Variants in ZCCHC2 observed in about 807,000 individuals in gnomAD.
ZCCHC2 encodes zinc finger CCHC domain-containing protein 2.
A neutral mutation model predicts 103.6 loss-of-function variants in ZCCHC2; 39 were observed. The ratio of observed to expected loss-of-function variants is 0.38; its 90% CI spans 0.29 to 0.49. The LOEUF is 0.49. Among genes scored for constraint, ZCCHC2 ranks in the 20% least tolerant of loss-of-function variants. The pLI, the probability that ZCCHC2 is intolerant of heterozygous loss-of-function variation, is 0.96. For synonymous variants in ZCCHC2, 687 were observed against 608.9 expected, an observed-to-expected ratio of 1.13 and a Z score of -1.89; for missense variants, 1,483 against 1,491.0, an observed-to-expected ratio of 0.99 and a Z score of 0.09.
intron 7 of ZCCHC2, 118 bp downstream of exon 7, chr18:62,558,888 A>G (rs867371022): frequency 5.5e-5 from 33 of 596,814 alleles, no homozygotes; most frequent in African/African-American, 4.4e-4. Flanking sequence ...TTGCATTACA[A>G]ATAAGTGGAG....
In ZCCHC2 at chr18:62,574,900, C is replaced by T. The variant is rs1916759714; in HGVS notation, c.2819C>T (p.Ala940Val). The T allele has an allele frequency of 6.2e-7, 1 of 1,613,882 alleles. No individual in the cohort carries two copies. Among genetic ancestry groups the T allele is most frequent in the Non-Finnish European group, 8.5e-7 (1 of 1,179,898 alleles). The stretch of plus-strand genomic sequence containing the variant: ...AACTCCAGTGTGCTCAGCACAGCAG[C>T]AACTTCTCCCCAGCCAGCGAGCGCA... ...SQNSSVLSTA[A>V]TSPQPASAGI... The change falls in exon 13 of 14, where the codon GCA becomes GTA. Residue 940 changes from alanine to valine, a missense_variant. Ala to Val is a moderately conservative substitution (Grantham distance 64, BLOSUM62 0). This residue lies in a region of ZCCHC2 where 884 missense variants were observed against 907.5 expected (regional missense o/e 0.97). Coordinates refer to ENST00000269499, the MANE Select transcript of ZCCHC2 (RefSeq NM_017742.6).
chr18:62,563,284 T>TA, intron 9 of ZCCHC2, 140 bp downstream of exon 9: 1 of 1,013,214 alleles, frequency 9.9e-7, no homozygotes, highest in Non-Finnish European at 1.4e-6. Flanking sequence ...ACTTTATACT[T>TA]ATATATGATC....
At chr18:62,549,965 G>C (rs770909186) in intron 4 of ZCCHC2, among the ~76,000 whole-genome samples, 8 of 152,238 alleles carry the variant, frequency 5.3e-5, no homozygotes, top group Non-Finnish European at 8.8e-5. Flanking sequence ...CTATTCCAGG[G>C]TAAAAATAGT....
intron 8 of ZCCHC2, among the ~76,000 whole-genome samples, chr18:62,560,884 C>T (rs570847830): frequency 6.6e-6 from 1 of 151,146 alleles, no homozygotes; most frequent in Admixed American, 6.6e-5. Flanking sequence ...GATAGTTTTA[C>T]AATGAAAGTT....
At chr18:62,544,431 G>A (rs1915326698) in intron 3 of ZCCHC2, among the ~76,000 whole-genome samples, 1 of 152,140 alleles carries the variant, frequency 6.6e-6, no homozygotes, top group African/African-American at 2.4e-5. Flanking sequence ...TAAGTTTCAG[G>A]AGATAGAATT....
intron 1 of ZCCHC2, among the ~76,000 whole-genome samples, chr18:62,530,713 A>G (rs1664021255): frequency 6.6e-6 from 1 of 152,158 alleles, no homozygotes; most frequent in South Asian, 2.1e-4. Flanking sequence ...GATAAACCCA[A>G]AGGAAGGAAT....
chr18:62,529,191 T>A (rs945138425), intron 1 of ZCCHC2, among the ~76,000 whole-genome samples: 1 of 151,742 alleles, frequency 6.6e-6, no homozygotes, highest in African/African-American at 2.4e-5. Context: ...AGATGCTTTT[T>A]AAAAATGACC....
At chr18:62,556,910 C>T (rs1388747410) in intron 6 of ZCCHC2, among the ~76,000 whole-genome samples, 1 of 152,176 alleles carries the variant, frequency 6.6e-6, no homozygotes, top group Admixed American at 6.5e-5. Context: ...GTGTTAAATT[C>T]CTGCTTGGTC....
At chr18:62,547,030 A>G (rs560000988) in intron 4 of ZCCHC2, among the ~76,000 whole-genome samples, 1 of 152,176 alleles carries the variant, frequency 6.6e-6, no homozygotes, top group East Asian at 1.9e-4. Flanking sequence ...ATCATCTACA[A>G]AAGTTCAGGA....
chr18:62,542,217 C>A (rs1268543597), intron 2 of ZCCHC2, among the ~76,000 whole-genome samples: 1 of 151,946 alleles, frequency 6.6e-6, no homozygotes, highest in East Asian at 1.9e-4. Context: ...TTATTTTTAT[C>A]CTTAAAATCT....
chr18:62,535,777 G>A (rs1423079502), intron 1 of ZCCHC2, among the ~76,000 whole-genome samples: 3 of 152,178 alleles, frequency 2.0e-5, no homozygotes, highest in Non-Finnish European at 2.9e-5. Flanking sequence ...ACTTTTCAGC[G>A]GGAGGAATAT....
At chr18:62,531,877 A>T (rs779195746) in intron 1 of ZCCHC2, among the ~76,000 whole-genome samples, 1 of 151,954 alleles carries the variant, frequency 6.6e-6, no homozygotes, top group Non-Finnish European at 1.5e-5. Context: ...CCAGCTACTC[A>T]GAAGGCTGAG....
At chr18:62,549,128 A>T (rs1184369640) in intron 4 of ZCCHC2, among the ~76,000 whole-genome samples, 1 of 151,930 alleles carries the variant, frequency 6.6e-6, no homozygotes. Flanking sequence ...CTGAGGCAGG[A>T]GAATGGTGTG....
chr18:62,529,291 T>G (rs1383134903), intron 1 of ZCCHC2, among the ~76,000 whole-genome samples: 4 of 152,124 alleles, frequency 2.6e-5, no homozygotes, highest in Admixed American at 2.0e-4. Flanking sequence ...GTGAATAGTG[T>G]TGTTGGGGCA....
At chr18:62,556,521 C>CTCTA (rs1915891224) in intron 6 of ZCCHC2, among the ~76,000 whole-genome samples, 1 of 152,198 alleles carries the variant, frequency 6.6e-6, no homozygotes, top group African/African-American at 2.4e-5. Flanking sequence ...GCCTGAGTCT[C>CTCTA]TCTAGTCTTT....
Position 62,574,797 on chromosome 18 carries a change from G to A in ZCCHC2, c.2716G>A (p.Gly906Ser), listed in dbSNP as rs1457377051. The change falls in exon 13 of 14, where the codon GGC (glycine) becomes AGC (serine). Residue 906 changes from glycine (G) to serine (S), a missense_variant. By Grantham distance (56) the Gly-to-Ser change is moderately conservative. Coordinates refer to ENST00000269499, the MANE Select transcript of ZCCHC2 (RefSeq NM_017742.6). ...TGTGAAGGTAGTTCTTCCAGCAGCT[G>A]GCCTCTCAGCTGCTCAGCCACCAGC... The part of the protein sequence containing the change: ...TNVKVVLPAA[G>S]LSAAQPPASY... The A allele has an allele frequency of 6.2e-7, 1 of 1,613,950 alleles. No homozygotes were observed. The highest frequency in any genetic ancestry group is 8.5e-7 in the Non-Finnish European group (1 of 1,179,888).
At position 62,539,712 on chromosome 18, in the gene ZCCHC2, A is replaced by C; in HGVS notation, c.971A>C (p.Asn324Thr). 1 of 1,601,516 alleles carries C rather than the reference A, an allele frequency of 6.2e-7. No individual in the cohort carries two copies. The highest frequency in any genetic ancestry group is 8.5e-7 in the Non-Finnish European group (1 of 1,173,844). Residue 324 changes from asparagine to threonine, a missense_variant, in exon 2 of 14, where the codon AAT becomes ACT. Asn to Thr is a moderately conservative substitution (Grantham distance 65). Coordinates refer to ENST00000269499, the MANE Select transcript of ZCCHC2 (RefSeq NM_017742.6). Reference protein sequence around the residue: ...NNSAHGDYMQNNESSLIEQAP... With the variant: ...NNSAHGDYMQTNESSLIEQAP... ...TCTGCTCATGGTGATTACATGCAAA[A>C]TAACGAGAGCAGCTTAATAGAGCAA...
At chr18:62,556,681 G>A (rs1421074220) in intron 6 of ZCCHC2, among the ~76,000 whole-genome samples, 1 of 152,146 alleles carries the variant, frequency 6.6e-6, no homozygotes, top group African/African-American at 2.4e-5. Context: ...GACAGAAAAT[G>A]TTAGCCCTGT....
At chr18:62,569,825 A>G (rs1916521181) in intron 11 of ZCCHC2, among the ~76,000 whole-genome samples, 1 of 152,124 alleles carries the variant, frequency 6.6e-6, no homozygotes, top group Non-Finnish European at 1.5e-5. Flanking sequence ...AAGTAGCTCA[A>G]AGTGATATTA....
Sources: allele counts gnomAD v4.1 joint callset (sites outside exome capture counted in the v4.1 genomes callset), GRCh38; gene constraint gnomAD v4.1.1; regional missense constraint gnomAD v4.1.1; transcripts MANE v1.5; gene names NCBI Gene and HGNC (gene_info 2026-07-23, HGNC 2026-07-21).